The following GAS2 variants were observed in gnomAD, a reference collection of about 807,000 sequenced individuals.
GAS2 encodes the protein growth arrest specific 2, also known as growth arrest-specific protein 2.
A neutral mutation model predicts 37.5 loss-of-function variants in GAS2; 20 were observed. The observed-to-expected ratio is 0.53, with a 90% confidence interval of 0.37 to 0.77. The LOEUF (loss-of-function observed/expected upper bound fraction) is 0.77, where lower values mean the gene tolerates loss of function less well. GAS2 is among the 30% of genes least tolerant of loss of function. The probability of loss-of-function intolerance (pLI) is 0.00; values close to 1 mark genes in which losing one functional copy is unlikely to be tolerated. For missense variants in GAS2, 336 were observed against 373.4 expected, an observed-to-expected ratio of 0.90 and a Z score of 0.82; for synonymous variants, 144 against 132.2, an observed-to-expected ratio of 1.09 and a Z score of -0.61.
At chr11:22,798,865 C>G (rs1435381912) in intron 7 of GAS2, among the ~76,000 whole-genome samples, 1 of 152,036 alleles carries the variant, frequency 6.6e-6, no homozygotes, top group East Asian at 1.9e-4. Context: ...GTCAAGGTAC[C>G]TCAGGGAGAT....
At chr11:22,800,979 A>AT (rs1359465142) in intron 7 of GAS2, among the ~76,000 whole-genome samples, 1 of 151,998 alleles carries the variant, frequency 6.6e-6, no homozygotes, top group Non-Finnish European at 1.5e-5. Context: ...CTATGTGGCC[A>AT]TTACTTTTTC....
chr11:22,729,719 A>G (rs1311958457), intron 4 of GAS2, among the ~76,000 whole-genome samples: 1 of 143,830 alleles, frequency 7.0e-6, no homozygotes, highest in African/African-American at 2.5e-5. Flanking sequence ...ATTCACATCT[A>G]CCTTATTACT....
At chr11:22,757,772 A>C (rs1315497782) in intron 7 of GAS2, among the ~76,000 whole-genome samples, 2 of 152,170 alleles carry the variant, frequency 1.3e-5, no homozygotes, top group Non-Finnish European at 2.9e-5. Context: ...AACCGAAACT[A>C]TTTGTCAAAA....
intron 7 of GAS2, among the ~76,000 whole-genome samples, chr11:22,795,699 T>C (rs945619472): frequency 6.6e-6 from 1 of 152,042 alleles, no homozygotes; most frequent in African/African-American, 2.4e-5. Flanking sequence ...ACTTAGGCTA[T>C]TGGGATAGCT....
At chr11:22,656,710 C>A (rs1042399037) in intron 1 of GAS2, among the ~76,000 whole-genome samples, 3 of 152,100 alleles carry the variant, frequency 2.0e-5, no homozygotes, top group Non-Finnish European at 2.9e-5. Context: ...TGGAAATAGT[C>A]AAAGGCAGGT....
At chr11:22,695,635 C>G (rs1850465197) in intron 3 of GAS2, among the ~76,000 whole-genome samples, 1 of 152,124 alleles carries the variant, frequency 6.6e-6, no homozygotes, top group African/African-American at 2.4e-5. Context: ...ATAGCAAATG[C>G]AAGTCATATT....
chr11:22,709,211 A>C (rs2134070157), intron 3 of GAS2, among the ~76,000 whole-genome samples: 1 of 84,556 alleles, frequency 1.2e-5, no homozygotes, highest in South Asian at 4.5e-4. Flanking sequence ...ATGGTAATGA[A>C]AAAAAAAAAC....
intron 3 of GAS2, among the ~76,000 whole-genome samples, chr11:22,705,978 C>T (rs1410803996): frequency 6.6e-6 from 1 of 152,002 alleles, no homozygotes; most frequent in African/African-American, 2.4e-5. Context: ...CACGTGAAAG[C>T]CCTCAGATGT....
chr11:22,756,214 T>A (rs1352560898), intron 7 of GAS2, among the ~76,000 whole-genome samples: 1 of 152,026 alleles, frequency 6.6e-6, no homozygotes, highest in African/African-American at 2.4e-5. Flanking sequence ...TTTCCACTTG[T>A]GTTATGTTTT....
intron 1 of GAS2, among the ~76,000 whole-genome samples, chr11:22,651,675 T>A (rs1848777539): frequency 6.6e-6 from 1 of 152,232 alleles, no homozygotes; most frequent in African/African-American, 2.4e-5. Flanking sequence ...CACTTCATCT[T>A]ACATCGCTGA....
intron 4 of GAS2, among the ~76,000 whole-genome samples, chr11:22,729,354 C>T (rs1361821856): frequency 6.6e-6 from 1 of 151,788 alleles, no homozygotes; most frequent in Non-Finnish European, 1.5e-5. Context: ...TTCACAACAG[C>T]TAATGGCAAG....
At chr11:22,711,036 C>T (rs1265203230) in intron 3 of GAS2, among the ~76,000 whole-genome samples, 4 of 152,170 alleles carry the variant, frequency 2.6e-5, no homozygotes, top group Non-Finnish European at 2.9e-5. Context: ...TGAACTTTTG[C>T]TCCAAGAACA....
At chr11:22,685,359 T>G (rs1370414951) in intron 2 of GAS2, among the ~76,000 whole-genome samples, 1 of 152,228 alleles carries the variant, frequency 6.6e-6, no homozygotes, top group Non-Finnish European at 1.5e-5. Flanking sequence ...TTTTGTTGGT[T>G]AGTTTTCATT....
chr11:22,634,565 G>A (rs337482), intron 1 of GAS2, among the ~76,000 whole-genome samples: 150,958 of 152,248 alleles, frequency 0.99, 74,862 homozygotes, highest in Middle Eastern at 1. Context: ...TTGGTCTCAC[G>A]GGGTGCTCCC....
At chr11:22,724,178 A>G (rs1852081886) in intron 3 of GAS2, among the ~76,000 whole-genome samples, 1 of 152,090 alleles carries the variant, frequency 6.6e-6, no homozygotes, top group Non-Finnish European at 1.5e-5. Flanking sequence ...GTACACATGT[A>G]CATACATCAT....
intron 7 of GAS2, among the ~76,000 whole-genome samples, chr11:22,790,927 T>C (rs1459041776): frequency 6.6e-6 from 1 of 151,990 alleles, no homozygotes; most frequent in East Asian, 1.9e-4. Context: ...TCAAAGATAA[T>C]TGGGAAATAA....
chr11:22,682,379 T>C (rs988685121), intron 2 of GAS2, among the ~76,000 whole-genome samples: 1 of 152,100 alleles, frequency 6.6e-6, no homozygotes, highest in African/African-American at 2.4e-5. Flanking sequence ...AATCTTCAAA[T>C]TGCCATAGAA....
intron 7 of GAS2, among the ~76,000 whole-genome samples, chr11:22,778,274 T>C (rs952646439): frequency 3.9e-5 from 6 of 152,308 alleles, no homozygotes; most frequent in Admixed American, 3.9e-4. Context: ...AGAGGGCTGA[T>C]TATTCATTCA....
intron 3 of GAS2, among the ~76,000 whole-genome samples, chr11:22,694,737 A>T (rs1278375840): frequency 6.6e-6 from 1 of 152,204 alleles, no homozygotes; most frequent in African/African-American, 2.4e-5. Context: ...AATTTGGGAC[A>T]TCTTATTAGT....
Sources: allele counts gnomAD v4.1 joint callset (sites outside exome capture counted in the v4.1 genomes callset), GRCh38; gene constraint gnomAD v4.1.1; transcripts MANE v1.5; gene names NCBI Gene and HGNC (gene_info 2026-07-23, HGNC 2026-07-21).